Variants in MYO5C observed in about 807,000 individuals in gnomAD.
The protein encoded by MYO5C is unconventional myosin-Vc.
Under a neutral mutation model 235.7 loss-of-function variants are expected in MYO5C, and 194 were observed. The ratio of observed to expected loss-of-function variants is 0.82; its 90% CI spans 0.73 to 0.93. MYO5C has a LOEUF of 0.93. Ranked by LOEUF, MYO5C falls within the 40% of genes least tolerant of loss-of-function variation. The pLI is 0.00. For synonymous variants in MYO5C, 707 were observed against 754.8 expected (o/e 0.94, Z 1.04); for missense variants, 2,038 against 2,127.2 (o/e 0.96, Z 0.82).
In MYO5C at chr15:52,237,647, C is replaced by T; in HGVS notation, c.2704-1G>A. Reference sequence around the variant, plus strand: ...CCACCAGCCCATGGTTTTCTTTGTTCTAGAGAAAAGAAAATTCAGATGTTT... The same window carrying T: ...CCACCAGCCCATGGTTTTCTTTGTTTTAGAGAAAAGAAAATTCAGATGTTT... On this transcript the variant is annotated splice_acceptor_variant, in intron 21 of 40. Transcript: ENST00000261839. LOFTEE classifies it high-confidence loss of function. The T allele has an allele frequency of 6.2e-7, 1 of 1,604,684 alleles. No homozygotes were observed. The highest frequency in any genetic ancestry group is 8.5e-7 in the Non-Finnish European group (1 of 1,177,982).
intron 25 of MYO5C, 129 bp downstream of exon 25, chr15:52,229,004 T>C: frequency 9.9e-7 from 1 of 1,013,480 alleles, no homozygotes; most frequent in Non-Finnish European, 1.4e-6. Context: ...TTGGAAGGAC[T>C]GAAGGAATCA....
chr15:52,274,671 C>CCA (rs1555420124), intron 5 of MYO5C, among the ~76,000 whole-genome samples: 8 of 81,382 alleles, frequency 9.8e-5, no homozygotes, highest in African/African-American at 5.1e-4. Flanking sequence ...TTTCTTAGTA[C>CCA]CCCCCCCCCG....
chr15:52,201,384 T>C (rs1441532212), intron 38 of MYO5C, among the ~76,000 whole-genome samples: 1 of 152,198 alleles, frequency 6.6e-6, no homozygotes, highest in East Asian at 1.9e-4. Flanking sequence ...ATTTTTAAAG[T>C]GGTGAAAGAA....
chr15:52,287,282 A>T (rs554118679), intron 1 of MYO5C, among the ~76,000 whole-genome samples: 2 of 152,310 alleles, frequency 1.3e-5, no homozygotes, highest in African/African-American at 4.8e-5. Context: ...AGGACGATGG[A>T]GGCCTCATAA....
rs2035891126 is a variant in MYO5C, at chr15:52,229,040, A to G, written c.3207+93T>C. The G allele has an allele frequency of 1.3e-5, 19 of 1,494,886 alleles. No homozygotes were observed. The Admixed American group carries it at 3.0e-4, about 23-fold the overall frequency. 92.6% of individuals were successfully genotyped at this position (1,494,886 alleles called of 1,614,324 possible). On this transcript the variant is annotated intron_variant, in intron 25 of 40. Coordinates refer to ENST00000261839, the MANE Select transcript of MYO5C (RefSeq NM_018728.4). ...GGCTCCAGTTGCCTGTGGCCTTTAC[A>G]CAGATGCTTTTAGCTGTCTAATCTG...
At chr15:52,214,539 A>G (rs1453304507) in intron 33 of MYO5C, 64 bp downstream of exon 33, 8 of 1,206,558 alleles carry the variant, frequency 6.6e-6, no homozygotes, top group Middle Eastern at 2.0e-4. Context: ...CAGAAAGAAA[A>G]TAAACACTTG....
intron 8 of MYO5C, 119 bp downstream of exon 8, chr15:52,269,634 G>A (rs1020164388): frequency 4.5e-5 from 29 of 648,806 alleles, no homozygotes; most frequent in African/African-American, 4.1e-4. Flanking sequence ...CTTGTGATCC[G>A]CCCACCTCAG....
In MYO5C at chr15:52,208,627, A is replaced by G. The variant is rs200009646; in HGVS notation, c.4313T>C (p.Phe1438Ser). 1.2e-4 allele frequency: 197 copies of G among 1,613,988 alleles called. No individual in the cohort carries two copies. The highest frequency in any genetic ancestry group is 1.5e-4 in the Non-Finnish European group (180 of 1,179,956). The change falls in exon 36 of 41, where the codon TTT becomes TCT. Residue 1438 changes from phenylalanine to serine, a missense_variant. Phe to Ser is a radical substitution (Grantham distance 155, BLOSUM62 -2). Transcript: ENST00000261839. ...GGAAAGCCAAAAGGACAGCATTTCA[A>G]AGTCTTCTAAATGTTCCTTAGGAAA... The part of the protein sequence containing the change: ...KQVVKEHLED[F>S]EMLSFWLSNT...
At position 52,244,374 on chromosome 15, in the gene MYO5C, C is replaced by A. The variant is rs369570742; in HGVS notation, c.2372G>T (p.Arg791Leu). Residue 791 changes from arginine (R) to leucine (L), a missense_variant, in exon 19 of 41, where the codon CGG becomes CTG. Physicochemically the swap from Arg to Leu is moderately radical, Grantham distance 102. Transcript: ENST00000261839. ...RAALIIQQYFRGQQTVRKAIT... is the reference protein window; with the variant it reads ...RAALIIQQYFLGQQTVRKAIT... ...AACATACCTCACAGTTTGCTGACCCCGGAAGTACTGCTGGATTATCAGGGC... is the reference window on the plus strand; with the variant it reads ...AACATACCTCACAGTTTGCTGACCCAGGAAGTACTGCTGGATTATCAGGGC... The A allele has an allele frequency of 2.5e-6, 4 of 1,613,300 alleles. No homozygotes were observed. The highest frequency in any genetic ancestry group is 3.4e-6 in the Non-Finnish European group (4 of 1,179,932).
intron 2 of MYO5C, among the ~76,000 whole-genome samples, chr15:52,282,414 G>A (rs1312417329): frequency 1.3e-5 from 2 of 152,194 alleles, no homozygotes; most frequent in African/African-American, 4.8e-5. Context: ...TTCTCACCAA[G>A]TTTTTCATCT....
intron 14 of MYO5C, among the ~76,000 whole-genome samples, chr15:52,248,497 T>C (rs917269169): frequency 6.6e-6 from 1 of 152,152 alleles, no homozygotes; most frequent in African/African-American, 2.4e-5. Flanking sequence ...GTCATCTGCA[T>C]GTTTGATTTC....
intron 8 of MYO5C, among the ~76,000 whole-genome samples, chr15:52,264,565 A>G (rs1345324857): frequency 6.6e-6 from 1 of 152,190 alleles, no homozygotes; most frequent in Admixed American, 6.5e-5. Flanking sequence ...ATCATTTCAC[A>G]TTAGGTTCCT....
At chr15:52,219,923 G>A in intron 30 of MYO5C, 101 bp from the exon 31 acceptor site, 3 of 821,470 alleles carry the variant, frequency 3.7e-6, no homozygotes, top group Non-Finnish European at 6.0e-6. Context: ...CTAAACTAGG[G>A]GTGTCCGATC....
chr15:52,286,217 G>A (rs1434960911), intron 1 of MYO5C, among the ~76,000 whole-genome samples: 1 of 151,598 alleles, frequency 6.6e-6, no homozygotes, highest in African/African-American at 2.4e-5. Context: ...GTCCGGGAGG[G>A]AGGTGGGGGG....
At chr15:52,238,715 C>A (rs1440367108) in intron 21 of MYO5C, among the ~76,000 whole-genome samples, 1 of 143,778 alleles carries the variant, frequency 7.0e-6, no homozygotes, top group African/African-American at 2.6e-5. Context: ...GATCTCGGCT[C>A]ACTGCAAGCT....
intron 23 of MYO5C, 47 bp downstream of exon 23, chr15:52,235,623 A>G: frequency 1.4e-6 from 2 of 1,470,558 alleles, no homozygotes; most frequent in Non-Finnish European, 1.9e-6. Context: ...TTGTTTACTG[A>G]GTGACTAAAT....
intron 10 of MYO5C, among the ~76,000 whole-genome samples, chr15:52,260,345 T>A (rs1162029251): frequency 1.3e-5 from 2 of 152,196 alleles, no homozygotes; most frequent in East Asian, 3.9e-4. Flanking sequence ...AGTCCACCTC[T>A]GGCCGCTGGG....
At chr15:52,246,475 T>C (rs1217920982) in intron 16 of MYO5C, among the ~76,000 whole-genome samples, 1 of 152,190 alleles carries the variant, frequency 6.6e-6, no homozygotes, top group Non-Finnish European at 1.5e-5. Context: ...TCATCCCCCT[T>C]TAGGCACCTC....
chr15:52,196,511 A>ATACTT (rs1233875332), intron 38 of MYO5C, 28 bp from the exon 39 acceptor site: 1 of 1,600,910 alleles, frequency 6.2e-7, no homozygotes, highest in African/African-American at 1.3e-5. Context: ...AGAACAGAGA[A>ATACTT]TACTTTAGGG....
Sources: gnomAD v4.1 joint callset for allele counts (sites outside exome capture counted in the v4.1 genomes callset) on GRCh38, gnomAD v4.1.1 for gene constraint, MANE v1.5 for transcripts, NCBI Gene and HGNC (gene_info 2026-07-23, HGNC 2026-07-21) for gene names.